The following ATF7IP variants were observed in gnomAD, a reference collection of about 807,000 sequenced individuals.
ATF7IP encodes activating transcription factor 7 interacting protein, also known as activating transcription factor 7-interacting protein 1.
In ATF7IP, 23 loss-of-function variants were observed where a neutral mutation model predicts 106.4. That is an observed-to-expected ratio of 0.22 (90% CI 0.16 to 0.31). The LOEUF (loss-of-function observed/expected upper bound fraction) is 0.31. Among genes scored for constraint, ATF7IP ranks in the 10% least tolerant of loss-of-function variants. The pLI, the probability that ATF7IP is intolerant of heterozygous loss-of-function variation, is 1.00. For missense variants in ATF7IP, 1,334 were observed against 1,524.3 expected, an observed-to-expected ratio of 0.88 and a Z score of 2.08; for synonymous variants, 542 against 539.0, an observed-to-expected ratio of 1.01 and a Z score of -0.08.
chr12:14,493,031 C>T (rs1344483194), intron 13 of ATF7IP, among the ~76,000 whole-genome samples: 2 of 152,206 alleles, frequency 1.3e-5, no homozygotes, highest in Admixed American at 6.5e-5. Context: ...CCTTCCTCTA[C>T]ATTAACCAAG....
At chr12:14,441,930 G>A (rs1407886987) in intron 5 of ATF7IP, among the ~76,000 whole-genome samples, 2 of 152,156 alleles carry the variant, frequency 1.3e-5, no homozygotes, top group African/African-American at 4.8e-5. Flanking sequence ...AAATTTTGAT[G>A]AAGTCTTACA....
At chr12:14,365,928 T>G (rs1938265481) in intron 1 of ATF7IP, 101 bp downstream of exon 1, 2 of 152,368 alleles carry the variant, frequency 1.3e-5, no homozygotes, top group Admixed American at 6.5e-5. Flanking sequence ...GGGAGTTGTG[T>G]CTGCGCCTGC....
At chr12:14,410,695 TTTA>T (rs1299098116) in intron 1 of ATF7IP, among the ~76,000 whole-genome samples, 2 of 152,198 alleles carry the variant, frequency 1.3e-5, no homozygotes, top group South Asian at 2.1e-4. Context: ...ATTGTTCTAT[TTTA>T]TTATTAGTTA....
intron 13 of ATF7IP, among the ~76,000 whole-genome samples, chr12:14,490,038 A>G (rs995425378): frequency 6.6e-6 from 1 of 152,198 alleles, no homozygotes; most frequent in Non-Finnish European, 1.5e-5. Context: ...GCGAGGGCTC[A>G]GTGTTGGTCT....
chr12:14,366,940 G>GT (rs1381673566), intron 1 of ATF7IP, among the ~76,000 whole-genome samples: 3 of 152,074 alleles, frequency 2.0e-5, no homozygotes, highest in African/African-American at 7.2e-5. Context: ...TTTATTAATA[G>GT]TTTTTTAGGG....
intron 1 of ATF7IP, among the ~76,000 whole-genome samples, chr12:14,401,694 T>G (rs1383448203): frequency 6.6e-6 from 1 of 151,654 alleles, no homozygotes; most frequent in African/African-American, 2.4e-5. Flanking sequence ...TTTTTAGCAT[T>G]GTTTCACTTA....
intron 13 of ATF7IP, among the ~76,000 whole-genome samples, chr12:14,494,681 C>T (rs1333653580): frequency 1.3e-5 from 2 of 150,766 alleles, no homozygotes; most frequent in Admixed American, 6.6e-5. Flanking sequence ...GCCTGTAATC[C>T]CAGCAGTATG....
At chr12:14,431,803 C>G (rs1410595695) in intron 2 of ATF7IP, among the ~76,000 whole-genome samples, 1 of 152,132 alleles carries the variant, frequency 6.6e-6, no homozygotes, top group East Asian at 1.9e-4. Flanking sequence ...GATTATTACT[C>G]TGGGTTGAAG....
chr12:14,433,092 G>C (rs1392927431), intron 2 of ATF7IP, among the ~76,000 whole-genome samples: 1 of 152,148 alleles, frequency 6.6e-6, no homozygotes, highest in Admixed American at 6.5e-5. Context: ...TTCTGGGCCA[G>C]TCGAGGTGGC....
intron 1 of ATF7IP, among the ~76,000 whole-genome samples, chr12:14,404,155 A>G (rs1940422902): frequency 6.7e-6 from 1 of 148,276 alleles, no homozygotes; most frequent in Non-Finnish European, 1.5e-5. Flanking sequence ...TTCCAGTGCT[A>G]AACAGTCTAT....
chr12:14,438,212 G>A lies in ATF7IP; in HGVS notation c.1874G>A (p.Arg625Gln), dbSNP rs1334200385. 3 of 1,613,152 alleles carry A rather than the reference G, an allele frequency of 1.9e-6. No individual in the cohort carries two copies. ...AAGACTTTGGCAGAATTGAAAACAC[G>A]AGTGGAAAAGATTGAATGTAACAAG... The part of the protein sequence containing the change: ...FDKTLAELKT[R>Q]VEKIECNKRH... Residue 625 changes from arginine (R) to glutamine (Q), a missense_variant, in exon 5 of 15, where the codon CGA (arginine) becomes CAA (glutamine). Physicochemically the swap from Arg to Gln is conservative, Grantham distance 43. Transcript: ENST00000261168.
intron 1 of ATF7IP, among the ~76,000 whole-genome samples, chr12:14,417,234 C>T (rs971933108): frequency 2.8e-4 from 42 of 151,980 alleles, no homozygotes; most frequent in African/African-American, 1.0e-3. Context: ...TAACTTGCTG[C>T]GAAAGGCAGT....
rs373160995 is a variant in ATF7IP at position 14,469,168 on chromosome 12, C to T, written c.2862+2578C>T. ...GGCAGATCACTTGAGGTCAGGAGTTCGAGACCAGGCTGGCCAACATGTCTC... is the reference window on the plus strand; with the variant it reads ...GGCAGATCACTTGAGGTCAGGAGTTTGAGACCAGGCTGGCCAACATGTCTC... On this transcript the variant is annotated intron_variant, in intron 10 of 14. Transcript: ENST00000261168. 3.9e-5 allele frequency among the ~76,000 whole-genome samples: 6 copies of T among 151,976 alleles called. No homozygotes were observed. In the East Asian group the frequency reaches 7.7e-4, roughly 20 times the overall value.
chr12:14,428,663 T>G (rs539520589), intron 2 of ATF7IP, among the ~76,000 whole-genome samples: 14 of 152,340 alleles, frequency 9.2e-5, no homozygotes, highest in African/African-American at 3.1e-4. Flanking sequence ...TGGCTCTTCC[T>G]TCTAGCTACT....
chr12:14,407,703 T>C (rs930177998), intron 1 of ATF7IP, among the ~76,000 whole-genome samples: 10 of 152,188 alleles, frequency 6.6e-5, no homozygotes, highest in African/African-American at 2.4e-4. Flanking sequence ...AGATTATTTA[T>C]GTGCATGGTT....
chr12:14,460,725 C>G lies in ATF7IP; in HGVS notation c.2389C>G (p.Leu797Val), dbSNP rs1279468918. 1 of 1,614,218 alleles carries G rather than the reference C, an allele frequency of 6.2e-7. No individual in the cohort carries two copies. Among genetic ancestry groups the G allele is most frequent in the Non-Finnish European group, 8.5e-7 (1 of 1,180,020 alleles). ...TGTTGCAGTATCCTCCCAGCCTCAG[C>G]TTCTACAGAGCCATCCAGGGACTTT... is the stretch of plus-strand genomic sequence containing the variant. ...VPVAVSSQPQ[L>V]LQSHPGTLVT... Residue 797 changes from leucine (L) to valine (V), a missense_variant, in exon 9 of 15, where the codon CTT (leucine) becomes GTT (valine). This residue lies in a region of ATF7IP where 16 missense variants were observed against 43.5 expected (regional missense o/e 0.37). Coordinates refer to ENST00000261168, the MANE Select transcript of ATF7IP (RefSeq NM_018179.5).
intron 1 of ATF7IP, among the ~76,000 whole-genome samples, chr12:14,402,355 T>C (rs1940285841): frequency 6.6e-6 from 1 of 151,950 alleles, no homozygotes; most frequent in African/African-American, 2.4e-5. Context: ...CTTGAATTCC[T>C]GGGCTCAAGC....
intron 1 of ATF7IP, among the ~76,000 whole-genome samples, chr12:14,394,263 T>A (rs527775982): frequency 6.6e-6 from 1 of 152,234 alleles, no homozygotes; most frequent in Non-Finnish European, 1.5e-5. Context: ...TTTGTATTTT[T>A]AATGATTGCC....
intron 1 of ATF7IP, among the ~76,000 whole-genome samples, chr12:14,416,383 G>A (rs987275657): frequency 6.6e-6 from 1 of 151,972 alleles, no homozygotes; most frequent in Non-Finnish European, 1.5e-5. Flanking sequence ...TCAGGCAACA[G>A]CATGAATATA....
Sources: gnomAD v4.1 joint callset for allele counts (sites outside exome capture counted in the v4.1 genomes callset) on GRCh38, gnomAD v4.1.1 for gene constraint, gnomAD v4.1.1 regional missense constraint, MANE v1.5 for transcripts, NCBI Gene and HGNC (gene_info 2026-07-23, HGNC 2026-07-21) for gene names.